PNPLA1: variants seen among roughly 807,000 people sequenced by gnomAD.
The protein encoded by PNPLA1 is omega-hydroxyceramide transacylase.
Under a neutral mutation model 51.7 loss-of-function variants are expected in PNPLA1, and 36 were observed. The ratio of observed to expected loss-of-function variants is 0.70; its 90% CI spans 0.53 to 0.92. The LOEUF (loss-of-function observed/expected upper bound fraction) is 0.92. Ranked by LOEUF, PNPLA1 falls within the 40% of genes least tolerant of loss-of-function variation. The probability of loss-of-function intolerance (pLI) is 0.00; values close to 1 mark genes in which losing one functional copy is unlikely to be tolerated. For missense variants in PNPLA1, 658 were observed against 682.5 expected (o/e 0.96, Z 0.40); for synonymous variants, 293 against 280.1 (o/e 1.05, Z -0.46).
chr6:36,290,131 C>CAA (rs972233519), intron 1 of PNPLA1, among the ~76,000 whole-genome samples: 4 of 152,312 alleles, frequency 2.6e-5, no homozygotes, highest in Admixed American at 6.5e-5. Flanking sequence ...CCTCCTGTGG[C>CAA]AAAAAACTCA....
At chr6:36,297,580 G>T (rs1161501938) in intron 5 of PNPLA1, among the ~76,000 whole-genome samples, 1 of 152,144 alleles carries the variant, frequency 6.6e-6, no homozygotes, top group Non-Finnish European at 1.5e-5. Flanking sequence ...CAAGGGAGGA[G>T]AATTAATTAT....
At chr6:36,290,325 G>T (rs1023823999) in intron 1 of PNPLA1, among the ~76,000 whole-genome samples, 3 of 152,146 alleles carry the variant, frequency 2.0e-5, no homozygotes, top group African/African-American at 7.2e-5. Context: ...GATGAGCAGG[G>T]GTCAGCAAAA....
chr6:36,265,110 G>A (rs137959076), upstream of PNPLA1, among the ~76,000 whole-genome samples: 1 of 152,310 alleles, frequency 6.6e-6, no homozygotes, highest in African/African-American at 2.4e-5. Flanking sequence ...GGAAGCTGAG[G>A]GGGGCGGGTC....
At position 36,304,200 on chromosome 6, in the gene PNPLA1, A is replaced by T. The variant is rs1236178161; in HGVS notation, c.1384+1731A>T. The stretch of plus-strand genomic sequence containing the variant: ...ACTGAAGCCAGATTGTAGGGTGCTC[A>T]TGGTCCTCAGCCAAACTTCCAGAGC... On this transcript the variant is annotated intron_variant, in intron 6 of 8. Coordinates refer to ENST00000636260, the MANE Select transcript of PNPLA1 (RefSeq NM_001374623.1). Among the ~76,000 whole-genome samples the T allele has an allele frequency of 3.9e-5, 6 of 152,180 alleles. 1 individual carries two copies. In the East Asian group the frequency reaches 1.2e-3, roughly 29 times the overall value.
At chr6:36,264,237 C>G (rs1769714866) in intron 1 of PNPLA1, among the ~76,000 whole-genome samples, 1 of 152,188 alleles carries the variant, frequency 6.6e-6, no homozygotes, top group Non-Finnish European at 1.5e-5. Flanking sequence ...AGGATGTACA[C>G]AAAAGGATTC....
intron 1 of PNPLA1, among the ~76,000 whole-genome samples, chr6:36,263,942 C>T (rs976722447): frequency 1.3e-5 from 2 of 152,228 alleles, no homozygotes; most frequent in African/African-American, 4.8e-5. Flanking sequence ...TAAGCTGCTT[C>T]CCTGCCCCTA....
Position 36,306,170 on chromosome 6 carries a change from TGAGGACAA to T in PNPLA1, c.1385-118_1385-111del, listed in dbSNP as rs1477135312. The T allele has an allele frequency of 2.2e-5, 16 of 740,852 alleles. No homozygotes were observed. In the Admixed American group the frequency reaches 4.8e-4, roughly 22 times the overall value. The allele number at this position is 740,852 out of a possible 1,614,324, so 45.9% of individuals were successfully genotyped here. ...GACTCTGGTTGTAAAGATGAGAATT[TGAGGACAA>T]GAGAGTTCTTTGCTGTTTTTAAACA... is the stretch of plus-strand genomic sequence containing the variant. On this transcript the variant is annotated intron_variant, in intron 6 of 8. Coordinates refer to ENST00000636260, the MANE Select transcript of PNPLA1 (RefSeq NM_001374623.1).
intron 1 of PNPLA1, among the ~76,000 whole-genome samples, chr6:36,253,452 C>T (rs1413895141): frequency 6.6e-6 from 1 of 152,110 alleles, no homozygotes; most frequent in African/African-American, 2.4e-5. Context: ...AACAGTGAGT[C>T]TCATCTAAGA....
chr6:36,300,344 G>C (rs1434347223), intron 5 of PNPLA1, among the ~76,000 whole-genome samples: 1 of 151,314 alleles, frequency 6.6e-6, no homozygotes, highest in Non-Finnish European at 1.5e-5. Context: ...ACAGGTGCAT[G>C]CCACTACCCC....
At chr6:36,247,025 G>T (rs1276023669) in intron 1 of PNPLA1, among the ~76,000 whole-genome samples, 1 of 152,046 alleles carries the variant, frequency 6.6e-6, no homozygotes, top group Non-Finnish European at 1.5e-5. Context: ...AGCTCCTCCT[G>T]CCCCCTGCCT....
intron 5 of PNPLA1, among the ~76,000 whole-genome samples, chr6:36,300,178 T>TGTGTGTGTGTGTGTGTGAGA: frequency 3.1e-5 from 3 of 98,086 alleles, no homozygotes; most frequent in African/African-American, 1.0e-4. Flanking sequence ...TGTGTGTGTG[T>TGTGTGTGTGTGTGTGTGAGA]GAGAGAGAGA....
chr6:36,247,799 C>T (rs1158229636), intron 1 of PNPLA1, among the ~76,000 whole-genome samples: 4 of 152,210 alleles, frequency 2.6e-5, no homozygotes, highest in Non-Finnish European at 5.9e-5. Context: ...ATTTCATTCT[C>T]GAGCCCTAAT....
Position 36,294,770 on chromosome 6 carries a change from G to A in PNPLA1, c.714+371G>A, listed in dbSNP as rs1770807215. Among the ~76,000 whole-genome samples, 3 of 152,132 alleles carry A rather than the reference G, an allele frequency of 2.0e-5. No homozygotes were observed. In the South Asian group the frequency reaches 6.2e-4, roughly 32 times the overall value. On this transcript the variant is annotated intron_variant, in intron 4 of 8. Transcript: ENST00000636260. The surrounding 1 kb of genome is among the most constrained non-coding windows in gnomAD (Gnocchi z 4.2). Reference sequence around the variant, plus strand: ...TTGTACAGCCTGTGAGCTAAGAAAGGGTTTTCCATTTTTAGAGAGTTATGG... The same window carrying A: ...TTGTACAGCCTGTGAGCTAAGAAAGAGTTTTCCATTTTTAGAGAGTTATGG...
chr6:36,307,935 A>G, intron 8 of PNPLA1: 1 of 445,050 alleles, frequency 2.2e-6, no homozygotes. Flanking sequence ...CATTTCCTGT[A>G]AAATGGGGAT....
Position 36,294,531 on chromosome 6 carries a change from A to G in PNPLA1, c.714+132A>G. 3 of 796,352 alleles carry G rather than the reference A, an allele frequency of 3.8e-6. No homozygotes were observed. Among genetic ancestry groups the G allele is most frequent in the East Asian group, 2.7e-5 (1 of 37,596 alleles). 49.3% of individuals were successfully genotyped at this position (796,352 alleles called of 1,614,324 possible). A position where few individuals can be genotyped will look rare whatever the true frequency, so the allele number is the denominator to read the frequency against. ...CAAATGGTCCTTTAAACTTCCTCCTAGACCTGCATCCTGGCCTTGCTGCTA... is the reference window on the plus strand; with the variant it reads ...CAAATGGTCCTTTAAACTTCCTCCTGGACCTGCATCCTGGCCTTGCTGCTA... On this transcript the variant is annotated intron_variant, in intron 4 of 8. Transcript: ENST00000636260. The surrounding 1 kb of genome is among the most constrained non-coding windows in gnomAD (Gnocchi z 4.2).
intron 1 of PNPLA1, among the ~76,000 whole-genome samples, chr6:36,251,322 G>T: frequency 6.6e-6 from 1 of 151,828 alleles, no homozygotes; most frequent in Non-Finnish European, 1.5e-5. Flanking sequence ...CTCCTGGGCT[G>T]CTGGGTTTGG....
chr6:36,307,954 T>C (rs1771294225), intron 8 of PNPLA1: 1 of 389,514 alleles, frequency 2.6e-6, no homozygotes, highest in African/African-American at 2.0e-5. Flanking sequence ...ATGATACCAC[T>C]TCATAAAGTT....
intron 7 of PNPLA1, among the ~76,000 whole-genome samples, chr6:36,306,941 G>A (rs1771255674): frequency 6.6e-6 from 1 of 152,174 alleles, no homozygotes; most frequent in African/African-American, 2.4e-5. Flanking sequence ...GAGGACCTGG[G>A]GATCTGCTTT....
chr6:36,262,479 G>T (rs950430598), intron 1 of PNPLA1, among the ~76,000 whole-genome samples: 1 of 152,214 alleles, frequency 6.6e-6, no homozygotes, highest in Non-Finnish European at 1.5e-5. Flanking sequence ...CACAGAAAAT[G>T]TGACCATCCA....
Sources: gnomAD v4.1 joint callset for allele counts (sites outside exome capture counted in the v4.1 genomes callset) on GRCh38, gnomAD v4.1.1 for gene constraint, Gnocchi (gnomAD v3.1) non-coding constraint, MANE v1.5 for transcripts, NCBI Gene and HGNC (gene_info 2026-07-23, HGNC 2026-07-21) for gene names.